Variants in CDH9 observed in about 807,000 individuals in gnomAD.
The protein encoded by CDH9 is cadherin-9.
Under a neutral mutation model 70.9 loss-of-function variants are expected in CDH9, and 28 were observed. The observed-to-expected ratio is 0.40, with a 90% CI of 0.29 to 0.54. The LOEUF (loss-of-function observed/expected upper bound fraction) is 0.54, where lower values mean the gene tolerates loss of function less well. Ranked by LOEUF, CDH9 falls within the 20% of genes least tolerant of loss-of-function variation. The pLI is 0.59. For missense variants in CDH9, 874 were observed against 984.4 expected (o/e 0.89, Z 1.50); for synonymous variants, 409 against 343.1 (o/e 1.19, Z -2.12).
intron 1 of CDH9, among the ~76,000 whole-genome samples, chr5:26,998,294 G>GCACTAT (rs1742702085): frequency 6.6e-6 from 1 of 152,024 alleles, no homozygotes; most frequent in Non-Finnish European, 1.5e-5. Context: ...GTTTACTGTG[G>GCACTAT]CACTATTCAC....
intron 3 of CDH9, among the ~76,000 whole-genome samples, chr5:26,912,091 T>C (rs556074913): frequency 6.6e-6 from 1 of 152,292 alleles, no homozygotes; most frequent in East Asian, 1.9e-4. Flanking sequence ...TCCATAAGAC[T>C]CTATTTCTTC....
Position 26,881,355 on chromosome 5 carries a change from A to T in CDH9, c.2151T>A (p.His717Gln). The T allele has an allele frequency of 6.2e-7, 1 of 1,613,634 alleles. No homozygotes were observed. Among genetic ancestry groups the T allele is most frequent in the Non-Finnish European group, 8.5e-7 (1 of 1,179,694 alleles). ...WENIDVQDFI[H>Q]RRLKENDADP... is the part of the protein sequence containing the mutation. ...CTGCGTCGTTTTCTTTTAATCTTCGATGGATAAAATCTTGTACATCAATAT... is the reference window on the plus strand; with the variant it reads ...CTGCGTCGTTTTCTTTTAATCTTCGTTGGATAAAATCTTGTACATCAATAT... The change falls in exon 12 of 12, where the codon CAT (histidine) becomes CAA (glutamine). Residue 717 changes from histidine to glutamine, a missense_variant. By Grantham distance (24) the His-to-Gln change is conservative (BLOSUM62 0). Coordinates refer to ENST00000231021, the MANE Select transcript of CDH9 (RefSeq NM_016279.4).
At chr5:26,925,653 G>A (rs1194172241) in intron 2 of CDH9, among the ~76,000 whole-genome samples, 1 of 152,032 alleles carries the variant, frequency 6.6e-6, no homozygotes, top group Non-Finnish European at 1.5e-5. Context: ...GTATTGCCTA[G>A]GTTTTCTTCC....
At chr5:26,984,465 A>G (rs774120624) in intron 2 of CDH9, among the ~76,000 whole-genome samples, 7 of 152,168 alleles carry the variant, frequency 4.6e-5, no homozygotes, top group Non-Finnish European at 8.8e-5. Context: ...ATGTGGTTTA[A>G]CAACCAGATA....
At chr5:26,989,962 C>T (rs538543897) in intron 1 of CDH9, among the ~76,000 whole-genome samples, 23 of 152,112 alleles carry the variant, frequency 1.5e-4, no homozygotes, top group South Asian at 6.2e-4. Context: ...TTTATTTTGA[C>T]GATAGCAAAT....
At chr5:26,948,813 T>C (rs1426888040) in intron 2 of CDH9, among the ~76,000 whole-genome samples, 1 of 152,176 alleles carries the variant, frequency 6.6e-6, no homozygotes, top group Non-Finnish European at 1.5e-5. Flanking sequence ...ATCTATGGAT[T>C]GGCTTAATTG....
intron 2 of CDH9, among the ~76,000 whole-genome samples, chr5:26,976,581 G>C (rs1427209710): frequency 6.6e-6 from 1 of 152,072 alleles, no homozygotes; most frequent in Non-Finnish European, 1.5e-5. Flanking sequence ...GAGACCACAG[G>C]CGCAGGACAC....
Position 26,902,499 on chromosome 5 carries a change from T to G in CDH9, c.1230A>C (p.Pro410=). 6.2e-7 allele frequency: 1 copy of G among 1,604,014 alleles called. No individual in the cohort carries two copies. The highest frequency in any genetic ancestry group is 8.5e-7 in the Non-Finnish European group (1 of 1,171,442). ...ACTTTATTAAATTGTTCCTGGCATC[T>G]GGATCGTATGCTGTAACCTGTCCAA... ...SIIGQVTAYD[P]DARNNLIKYS... is the part of the protein sequence containing the mutation. The change falls in exon 7 of 12, where the codon CCA becomes CCC. Residue 410 remains proline (P), a synonymous_variant. Coordinates refer to ENST00000231021, the MANE Select transcript of CDH9 (RefSeq NM_016279.4).
intron 1 of CDH9, among the ~76,000 whole-genome samples, chr5:26,989,866 T>C (rs1463266211): frequency 1.3e-5 from 2 of 152,182 alleles, no homozygotes. Flanking sequence ...TCTTCATTAA[T>C]ACCTGACCCA....
intron 3 of CDH9, among the ~76,000 whole-genome samples, chr5:26,913,930 C>A (rs1741099405): frequency 6.6e-6 from 1 of 151,690 alleles, no homozygotes; most frequent in South Asian, 2.1e-4. Context: ...ATATAATAGT[C>A]CATTAAGTAT....
intron 3 of CDH9, among the ~76,000 whole-genome samples, chr5:26,911,117 A>G (rs1226301023): frequency 2.0e-5 from 3 of 152,192 alleles, no homozygotes; most frequent in African/African-American, 7.2e-5. Context: ...AATCTAGTGC[A>G]AAATCCTAAG....
intron 7 of CDH9, 149 bp from the exon 8 acceptor site, chr5:26,890,713 A>C: frequency 1.7e-6 from 1 of 598,608 alleles, no homozygotes; most frequent in Admixed American, 2.9e-5. Flanking sequence ...ATTTTATAGA[A>C]TTGTTATTTG....
intron 2 of CDH9, among the ~76,000 whole-genome samples, chr5:26,952,277 T>A (rs914970482): frequency 4.0e-5 from 6 of 148,714 alleles, no homozygotes; most frequent in African/African-American, 1.5e-4. Flanking sequence ...TGTTGAAATT[T>A]AATTAACTCA....
intron 1 of CDH9, among the ~76,000 whole-genome samples, chr5:27,024,154 G>A (rs1743184255): frequency 6.6e-6 from 1 of 151,612 alleles, no homozygotes. Flanking sequence ...GATGAAAACT[G>A]GACAAATATT....
chr5:26,966,201 A>T (rs897930024), intron 2 of CDH9, among the ~76,000 whole-genome samples: 5 of 152,120 alleles, frequency 3.3e-5, no homozygotes, highest in African/African-American at 1.2e-4. Flanking sequence ...CTCCGTGTCT[A>T]AATTTGGGGC....
chr5:26,903,891 T>C, intron 5 of CDH9, 67 bp from the exon 6 acceptor site: 1 of 831,992 alleles, frequency 1.2e-6, no homozygotes, highest in Non-Finnish European at 1.9e-6. Context: ...TTCCTCTGCA[T>C]TTTTAACTTA....
At chr5:26,931,270 G>A (rs1741457889) in intron 2 of CDH9, among the ~76,000 whole-genome samples, 1 of 152,062 alleles carries the variant, frequency 6.6e-6, no homozygotes, top group Non-Finnish European at 1.5e-5. Flanking sequence ...CAGAGTTCAG[G>A]GCTGCTATTG....
At chr5:26,987,472 T>C (rs1191429959) in intron 2 of CDH9, among the ~76,000 whole-genome samples, 9 of 151,774 alleles carry the variant, frequency 5.9e-5, no homozygotes, top group Non-Finnish European at 1.3e-4. Context: ...GAAAAAGAAG[T>C]CTCTAAACAC....
At chr5:26,985,338 T>G (rs1299867907) in intron 2 of CDH9, among the ~76,000 whole-genome samples, 2 of 152,108 alleles carry the variant, frequency 1.3e-5, no homozygotes, top group African/African-American at 4.8e-5. Flanking sequence ...GAAATCTTAA[T>G]GACAATGTAA....
Sources: gnomAD v4.1 joint callset for allele counts (sites outside exome capture counted in the v4.1 genomes callset) on GRCh38, gnomAD v4.1.1 for gene constraint, MANE v1.5 for transcripts, NCBI Gene and HGNC (gene_info 2026-07-23, HGNC 2026-07-21) for gene names.